ROR1: variants seen among roughly 807,000 people sequenced by gnomAD.
The protein encoded by ROR1 is ROR family WNT receptor 1.
ROR1 carries 19 observed loss-of-function variants against 78.8 expected under a neutral mutation model. The observed-to-expected ratio is 0.24, with a 90% CI of 0.17 to 0.35. The LOEUF (loss-of-function observed/expected upper bound fraction) is 0.35. Ranked by LOEUF, ROR1 falls within the 10% of genes least tolerant of loss-of-function variation. The probability of loss-of-function intolerance (pLI) is 1.00; values close to 1 mark genes in which losing one functional copy is unlikely to be tolerated. For missense variants in ROR1, 917 were observed against 1,177.8 expected (o/e 0.78, Z 3.24); for synonymous variants, 386 against 433.6 (o/e 0.89, Z 1.36).
At chr1:63,785,533 T>C (rs1299052272) in intron 1 of ROR1, among the ~76,000 whole-genome samples, 2 of 149,906 alleles carry the variant, frequency 1.3e-5, no homozygotes, top group Admixed American at 1.3e-4. Context: ...TTATTTAATT[T>C]TTTTTTTGAG....
intron 1 of ROR1, among the ~76,000 whole-genome samples, chr1:63,829,379 C>A (rs548522370): frequency 2.0e-5 from 3 of 152,124 alleles, no homozygotes; most frequent in African/African-American, 7.2e-5. Flanking sequence ...AGTGGGAATG[C>A]GGGTGATAGG....
intron 1 of ROR1, among the ~76,000 whole-genome samples, chr1:63,817,316 G>T (rs552518910): frequency 5.9e-5 from 9 of 152,258 alleles, no homozygotes; most frequent in Admixed American, 5.9e-4. Flanking sequence ...CAGAGGGAGA[G>T]AAAGGACTAT....
At chr1:63,985,239 G>T (rs866358063) in intron 1 of ROR1, among the ~76,000 whole-genome samples, 2 of 152,130 alleles carry the variant, frequency 1.3e-5, no homozygotes. Flanking sequence ...TGAAAAGTAC[G>T]TATAAACAGC....
intron 1 of ROR1, among the ~76,000 whole-genome samples, chr1:63,911,132 G>A (rs1264380407): frequency 6.6e-6 from 1 of 152,100 alleles, no homozygotes; most frequent in Non-Finnish European, 1.5e-5. Flanking sequence ...AAAACTTGTG[G>A]CCTCAATTCT....
chr1:64,050,132 C>T lies in ROR1; in HGVS notation c.451+154C>T, dbSNP rs190282826. ...ACCTGGTATGGTTGTACCCATTTTACAAATAAGTAAACTAAGGCCCAGCAG... is the reference window on the plus strand; with the variant it reads ...ACCTGGTATGGTTGTACCCATTTTATAAATAAGTAAACTAAGGCCCAGCAG... On this transcript the variant is annotated intron_variant, in intron 3 of 8. Transcript: ENST00000371079. Among the ~76,000 whole-genome samples the T allele has an allele frequency of 6.6e-5, 10 of 152,274 alleles. No homozygotes were observed. The East Asian group carries it at 1.7e-3, about 26-fold the overall frequency.
rs530074203 is a variant in ROR1 at position 63,875,604 on chromosome 1, T to C, written c.91+101096T>C. Among the ~76,000 whole-genome samples the C allele has an allele frequency of 4.6e-5, 7 of 152,290 alleles. No individual in the cohort carries two copies. In the South Asian group the frequency reaches 1.0e-3, roughly 23 times the overall value. On this transcript the variant is annotated intron_variant, in intron 1 of 8. Transcript: ENST00000371079. ...ATCACTGCTAAATTAAAATAGTAAA[T>C]ATTTAAACTGAGTTTTCCCTTCAGT...
At chr1:63,817,824 T>A (rs891777794) in intron 1 of ROR1, among the ~76,000 whole-genome samples, 2 of 152,166 alleles carry the variant, frequency 1.3e-5, no homozygotes, top group Admixed American at 6.5e-5. Flanking sequence ...GCTGGCTGGT[T>A]TGTGGGATAC....
At chr1:63,892,490 G>C (rs1379303787) in intron 1 of ROR1, among the ~76,000 whole-genome samples, 1 of 152,194 alleles carries the variant, frequency 6.6e-6, no homozygotes, top group East Asian at 1.9e-4. Flanking sequence ...TCACATCCAT[G>C]TAGTGAGCTG....
chr1:63,940,833 A>G (rs1645832850), intron 1 of ROR1, among the ~76,000 whole-genome samples: 1 of 152,192 alleles, frequency 6.6e-6, no homozygotes, highest in African/African-American at 2.4e-5. Flanking sequence ...CCAGATGATC[A>G]GGTTAATATC....
intron 4 of ROR1, among the ~76,000 whole-genome samples, chr1:64,102,484 A>G (rs1647595982): frequency 6.6e-6 from 1 of 152,160 alleles, no homozygotes; most frequent in Admixed American, 6.5e-5. Flanking sequence ...TGATGTGTCC[A>G]GAGAGGGAGG....
At chr1:63,867,509 A>G (rs1281791559) in intron 1 of ROR1, among the ~76,000 whole-genome samples, 2 of 152,182 alleles carry the variant, frequency 1.3e-5, no homozygotes, top group Non-Finnish European at 2.9e-5. Flanking sequence ...CCATGAAAAG[A>G]TAATGTTGAA....
At chr1:63,908,548 T>C (rs1645545434) in intron 1 of ROR1, among the ~76,000 whole-genome samples, 1 of 152,370 alleles carries the variant, frequency 6.6e-6, no homozygotes, top group East Asian at 1.9e-4. Context: ...TGTATTTATA[T>C]GTATAGGGAT....
intron 4 of ROR1, among the ~76,000 whole-genome samples, chr1:64,092,411 T>C (rs539967302): frequency 6.6e-6 from 1 of 152,144 alleles, no homozygotes; most frequent in African/African-American, 2.4e-5. Flanking sequence ...TTGGCCTCTC[T>C]GTGCTTAGTT....
intron 1 of ROR1, among the ~76,000 whole-genome samples, chr1:63,989,764 G>A (rs748655418): frequency 6.6e-6 from 1 of 151,770 alleles, no homozygotes; most frequent in Non-Finnish European, 1.5e-5. Context: ...CTACAGTCTA[G>A]TAGAATAGGA....
At chr1:63,930,153 C>T (rs1302832333) in intron 1 of ROR1, among the ~76,000 whole-genome samples, 1 of 152,112 alleles carries the variant, frequency 6.6e-6, no homozygotes, top group Non-Finnish European at 1.5e-5. Flanking sequence ...GTGTGATGTT[C>T]CCTTCCCTGA....
chr1:63,942,842 C>T (rs1645851885), intron 1 of ROR1, among the ~76,000 whole-genome samples: 1 of 152,092 alleles, frequency 6.6e-6, no homozygotes, highest in Non-Finnish European at 1.5e-5. Context: ...GTAATTCCAG[C>T]AGATTGGGAA....
At chr1:63,872,124 C>G (rs1175352263) in intron 1 of ROR1, among the ~76,000 whole-genome samples, 1 of 152,204 alleles carries the variant, frequency 6.6e-6, no homozygotes, top group African/African-American at 2.4e-5. Flanking sequence ...AAACTGTCAA[C>G]ATACACATCT....
intron 1 of ROR1, among the ~76,000 whole-genome samples, chr1:63,796,865 A>G (rs11208296): frequency 0.022 from 3,353 of 152,290 alleles, 133 homozygotes; most frequent in African/African-American, 0.076. Flanking sequence ...AGCGGGCCCC[A>G]GCCCAGCTCC....
intron 2 of ROR1, among the ~76,000 whole-genome samples, chr1:64,029,414 G>T (rs1463101422): frequency 2.0e-5 from 3 of 152,160 alleles, no homozygotes; most frequent in South Asian, 4.2e-4. Context: ...TCTCTTCCTT[G>T]GTCTTTACCC....
Sources: gnomAD v4.1 joint callset for allele counts (sites outside exome capture counted in the v4.1 genomes callset) on GRCh38, gnomAD v4.1.1 for gene constraint, MANE v1.5 for transcripts, NCBI Gene and HGNC (gene_info 2026-07-23, HGNC 2026-07-21) for gene names.